The following SPTLC3 variants were observed in gnomAD, a reference collection of about 807,000 sequenced individuals.
SPTLC3 encodes serine palmitoyltransferase long chain base subunit 3, also known as serine palmitoyltransferase 3.
A neutral mutation model predicts 59.3 loss-of-function variants in SPTLC3; 36 were observed. That is an observed-to-expected ratio of 0.61 (90% CI 0.47 to 0.80). The LOEUF is 0.80. SPTLC3 is among the 30% of genes least tolerant of loss of function. SPTLC3 has a pLI of 0.00. For missense variants in SPTLC3, 625 were observed against 685.1 expected, an observed-to-expected ratio of 0.91 and a Z score of 0.98; for synonymous variants, 257 against 240.8, an observed-to-expected ratio of 1.07 and a Z score of -0.62.
chr20:13,035,733 T>C (rs1314889655), intron 1 of SPTLC3, among the ~76,000 whole-genome samples: 1 of 152,142 alleles, frequency 6.6e-6, no homozygotes, highest in Non-Finnish European at 1.5e-5. Context: ...AAGAAGCAAC[T>C]CTCCTATTTG....
chr20:13,051,894 CAAT>C (rs1987507912), intron 2 of SPTLC3, among the ~76,000 whole-genome samples: 1 of 152,102 alleles, frequency 6.6e-6, no homozygotes, highest in Non-Finnish European at 1.5e-5. Context: ...AAGTGACTGA[CAAT>C]AATGACATAA....
chr20:13,135,543 A>G (rs1041359651), intron 9 of SPTLC3, among the ~76,000 whole-genome samples: 27 of 152,350 alleles, frequency 1.8e-4, no homozygotes, highest in Admixed American at 1.6e-3. Context: ...CAGCTGTTTC[A>G]TGAAACAGCA....
chr20:13,125,733 G>A (rs367808107), intron 8 of SPTLC3, among the ~76,000 whole-genome samples: 2 of 152,194 alleles, frequency 1.3e-5, no homozygotes, highest in African/African-American at 2.4e-5. Context: ...TCACATAGCA[G>A]CTGGAGAGAG....
chr20:13,144,974 A>G lies in SPTLC3; in HGVS notation c.1280-9029A>G, dbSNP rs57101838. On this transcript the variant is annotated intron_variant, in intron 9 of 11. Transcript: ENST00000399002. ...GTATTTTTAGTAGACACAGGGTTTC[A>G]CCATGTTAGCCAGGATGGTCTTGAG... is the stretch of plus-strand genomic sequence containing the variant. 7.9e-3 allele frequency among the ~76,000 whole-genome samples: 1,200 copies of G among 152,192 alleles called. 16 individuals are homozygous for G. The highest frequency in any genetic ancestry group is 0.027 in the African/African-American group (1,141 of 41,522).
At chr20:13,023,573 A>T (rs1346255896) in intron 1 of SPTLC3, among the ~76,000 whole-genome samples, 1 of 152,234 alleles carries the variant, frequency 6.6e-6, no homozygotes, top group African/African-American at 2.4e-5. Context: ...CTCTGCTCAT[A>T]TGATCCACAG....
chr20:13,159,534 T>C (rs1420073253), intron 10 of SPTLC3, among the ~76,000 whole-genome samples: 1 of 152,216 alleles, frequency 6.6e-6, no homozygotes, highest in African/African-American at 2.4e-5. Context: ...ATAGGCTCAT[T>C]GAAATTTCCA....
At chr20:13,123,658 C>A (rs1363565229) in intron 8 of SPTLC3, among the ~76,000 whole-genome samples, 3 of 152,198 alleles carry the variant, frequency 2.0e-5, no homozygotes, top group African/African-American at 7.2e-5. Flanking sequence ...TTCTCCCTCT[C>A]TTCCCAATTG....
chr20:13,123,731 C>CT (rs541702694), intron 8 of SPTLC3, among the ~76,000 whole-genome samples: 2 of 152,162 alleles, frequency 1.3e-5, no homozygotes, highest in African/African-American at 2.4e-5. Flanking sequence ...AGGCCCATGC[C>CT]TTTTTGCTCC....
chr20:13,153,384 C>CT (rs34734197), intron 9 of SPTLC3, among the ~76,000 whole-genome samples: 1 of 152,130 alleles, frequency 6.6e-6, no homozygotes, highest in Non-Finnish European at 1.5e-5. Flanking sequence ...CAATGTTGTC[C>CT]TTTTTTCTGG....
At chr20:13,160,325 A>G (rs1404069088) in intron 11 of SPTLC3, among the ~76,000 whole-genome samples, 193 bp downstream of exon 11, 4 of 152,252 alleles carry the variant, frequency 2.6e-5, no homozygotes, top group African/African-American at 9.6e-5. Flanking sequence ...GTAGATAGAA[A>G]TGAAAATCAG....
At chr20:13,078,181 A>T (rs1319001753) in intron 4 of SPTLC3, among the ~76,000 whole-genome samples, 1 of 142,238 alleles carries the variant, frequency 7.0e-6, no homozygotes, top group Non-Finnish European at 1.5e-5. Flanking sequence ...ATATGTAAAA[A>T]GAAAATATAA....
chr20:13,109,781 C>A (rs1444318636), intron 6 of SPTLC3, among the ~76,000 whole-genome samples: 4 of 152,122 alleles, frequency 2.6e-5, no homozygotes, highest in African/African-American at 7.2e-5. Flanking sequence ...TTTCAGCCTG[C>A]AACAAAGCTT....
intron 4 of SPTLC3, among the ~76,000 whole-genome samples, chr20:13,085,064 C>G (rs4289254): frequency 0.28 from 41,810 of 151,930 alleles, 5,917 homozygotes; most frequent in Middle Eastern, 0.35. Context: ...TTTGTGGTTT[C>G]TTTAAAATGA....
intron 4 of SPTLC3, 33 bp downstream of exon 4, chr20:13,074,530 T>G: frequency 6.3e-7 from 1 of 1,586,098 alleles, no homozygotes. Context: ...AACTTTTTGC[T>G]GTTAGGTCTC....
At chr20:13,060,377 G>GTTAT (rs60787251) in intron 2 of SPTLC3, among the ~76,000 whole-genome samples, 42,825 of 145,884 alleles carry the variant, frequency 0.29, 6,566 homozygotes, top group East Asian at 0.39. Flanking sequence ...AAGAGCTAAA[G>GTTAT]TTATTTATTT....
intron 4 of SPTLC3, among the ~76,000 whole-genome samples, chr20:13,081,392 A>G (rs1988837900): frequency 6.6e-6 from 1 of 152,196 alleles, no homozygotes; most frequent in Admixed American, 6.5e-5. Context: ...ATTATCTGCT[A>G]TCATTTAATT....
intron 1 of SPTLC3, among the ~76,000 whole-genome samples, chr20:13,033,596 G>A (rs551776742): frequency 2.0e-5 from 3 of 152,304 alleles, no homozygotes; most frequent in African/African-American, 7.2e-5. Flanking sequence ...TAGCCTAGCT[G>A]TGAGGAGGAG....
intron 4 of SPTLC3, among the ~76,000 whole-genome samples, chr20:13,078,214 A>AAC (rs1568591196): frequency 3.6e-5 from 2 of 55,988 alleles, no homozygotes; most frequent in African/African-American, 2.2e-4. Flanking sequence ...TATAAGTAAT[A>AAC]ATATAATATT....
At chr20:13,161,355 A>G (rs1369037607) in intron 11 of SPTLC3, among the ~76,000 whole-genome samples, 1 of 152,196 alleles carries the variant, frequency 6.6e-6, no homozygotes, top group Non-Finnish European at 1.5e-5. Flanking sequence ...CCTATAGAAG[A>G]AAAATAAGGT....
Sources: gnomAD v4.1 joint callset for allele counts (sites outside exome capture counted in the v4.1 genomes callset) on GRCh38, gnomAD v4.1.1 for gene constraint, MANE v1.5 for transcripts, NCBI Gene and HGNC (gene_info 2026-07-23, HGNC 2026-07-21) for gene names.